The following RAB40C variants were observed in gnomAD, a reference collection of about 807,000 sequenced individuals.
RAB40C encodes RAB40C, member RAS oncogene family.
A neutral mutation model predicts 28.1 loss-of-function variants in RAB40C; 8 were observed. That is an observed-to-expected ratio of 0.28 (90% CI 0.17 to 0.51). The LOEUF (loss-of-function observed/expected upper bound fraction) is 0.51. Ranked by LOEUF, RAB40C falls within the 20% of genes least tolerant of loss-of-function variation. The probability of loss-of-function intolerance (pLI) is 0.97; values close to 1 mark genes in which losing one functional copy is unlikely to be tolerated. For synonymous variants in RAB40C, 201 were observed against 171.7 expected (o/e 1.17, Z -1.34); for missense variants, 288 against 405.9 (o/e 0.71, Z 2.50).
At chr16:608,327 C>T (rs192967607) in intron 1 of RAB40C, among the ~76,000 whole-genome samples, 6 of 152,192 alleles carry the variant, frequency 3.9e-5, no homozygotes, top group South Asian at 2.1e-4. Flanking sequence ...CATCTGGCCC[C>T]GCCCTCAACC....
intron 1 of RAB40C, among the ~76,000 whole-genome samples, chr16:609,323 C>T (rs1437387227): frequency 6.6e-6 from 1 of 152,056 alleles, no homozygotes; most frequent in Non-Finnish European, 1.5e-5. Flanking sequence ...GGACAGCAGA[C>T]ACCACTGGGG....
intron 3 of RAB40C, chr16:624,725 C>T (rs1027908944): frequency 1.0e-4 from 100 of 985,238 alleles, no homozygotes; most frequent in Non-Finnish European, 1.1e-4. Context: ...TGGGAGTGGA[C>T]GTTGGGGAGA....
chr16:624,355 C>T (rs2036782948), intron 3 of RAB40C: 8 of 985,470 alleles, frequency 8.1e-6, no homozygotes, highest in Non-Finnish European at 8.4e-6. Context: ...TTTGTTTATT[C>T]TGAATCTTAT....
At chr16:625,165 A>G (rs939702128) in intron 3 of RAB40C, 1 of 1,384,578 alleles carries the variant, frequency 7.2e-7, no homozygotes, top group Non-Finnish European at 9.5e-7. Context: ...CCACAGGCTG[A>G]TGGCTCCAGG....
intron 3 of RAB40C, chr16:624,219 T>G: frequency 1.0e-6 from 1 of 985,288 alleles, no homozygotes; most frequent in East Asian, 1.1e-4. Context: ...AGGTTGCCAC[T>G]AGGGAGAGTG....
rs761055535 is a variant in RAB40C, at chr16:590,572, T to C, written c.142+139T>C. 1.7e-3 allele frequency: 2,000 copies of C among 1,152,170 alleles called. 3 individuals carry two copies. The highest frequency in any genetic ancestry group is 2.2e-3 in the Non-Finnish European group (1,893 of 874,496). 71.4% of individuals were successfully genotyped at this position (1,152,170 alleles called of 1,614,324 possible). Reference sequence around the variant, plus strand: ...GCCTTTGCCTGGCTTCCAGACTCGGTAGCTCGGTGGCTGCGGGGTGCCCGT... The same window carrying C: ...GCCTTTGCCTGGCTTCCAGACTCGGCAGCTCGGTGGCTGCGGGGTGCCCGT... On this transcript the variant is annotated intron_variant, in intron 1 of 5. Coordinates refer to ENST00000248139, the MANE Select transcript of RAB40C (RefSeq NM_021168.5).
At chr16:620,168 A>G (rs4984676) in intron 3 of RAB40C, among the ~76,000 whole-genome samples, 70,561 of 152,102 alleles carry the variant, frequency 0.46, 16,815 homozygotes, top group East Asian at 0.66. Flanking sequence ...GCCAAGGCAG[A>G]CAGATCACGA....
chr16:595,318 C>T (rs2036090510), intron 1 of RAB40C, among the ~76,000 whole-genome samples: 1 of 152,236 alleles, frequency 6.6e-6, no homozygotes, highest in Admixed American at 6.5e-5. Flanking sequence ...GGGATTGAGG[C>T]TCAGGAGGCG....
At position 627,707 on chromosome 16, in the gene RAB40C, C is replaced by G. The variant is rs1057218984; in HGVS notation, c.*85C>G. Reference sequence around the variant, plus strand: ...CTGGACGCCAGGCCAGTGCCGCCTACGTGGAGACTGTCCACACAGCTGCCT... The same window carrying G: ...CTGGACGCCAGGCCAGTGCCGCCTAGGTGGAGACTGTCCACACAGCTGCCT... On this transcript the variant is annotated 3_prime_UTR_variant, in exon 6 of 6. Coordinates refer to ENST00000248139, the MANE Select transcript of RAB40C (RefSeq NM_021168.5). 2.1e-6 allele frequency: 3 copies of G among 1,429,254 alleles called. No individual in the cohort carries two copies. The highest frequency in any genetic ancestry group is 2.5e-5 in the Admixed American group (1 of 40,134). 88.5% of individuals were successfully genotyped at this position (1,429,254 alleles called of 1,614,324 possible).
intron 3 of RAB40C, 110 bp downstream of exon 3, chr16:618,370 A>C: frequency 9.1e-7 from 1 of 1,099,570 alleles, no homozygotes; most frequent in Non-Finnish European, 1.3e-6. Flanking sequence ...TTTCTTTATA[A>C]GGATATTCTC....
intron 1 of RAB40C, among the ~76,000 whole-genome samples, chr16:590,816 A>G (rs2035978834): frequency 1.3e-5 from 2 of 148,794 alleles, no homozygotes. Context: ...GTCTAGGATC[A>G]TCTGGGGTCC....
intron 1 of RAB40C, among the ~76,000 whole-genome samples, chr16:611,003 T>G (rs1036029192): frequency 7.2e-5 from 11 of 152,150 alleles, no homozygotes; most frequent in Admixed American, 7.2e-4. Flanking sequence ...GGGACGTTGT[T>G]TCATAGTCTT....
Position 628,381 on chromosome 16 carries a change from C to T in RAB40C, c.*759C>T, listed in dbSNP as rs989031634. On this transcript the variant is annotated 3_prime_UTR_variant, in exon 6 of 6. Transcript: ENST00000248139. The stretch of plus-strand genomic sequence containing the variant: ...TCAAAACTCAGATCATCTCGCCCAC[C>T]CTGGAGAGTGCAGAGCTATCTGTAG... 1.2e-4 allele frequency: 19 copies of T among 152,326 alleles called. No individual in the cohort carries two copies. Among genetic ancestry groups the T allele is most frequent in the African/African-American group, 4.6e-4 (19 of 41,448 alleles). 9.4% of individuals were successfully genotyped at this position (152,326 alleles called of 1,614,324 possible). A position where few individuals can be genotyped will look rare whatever the true frequency, so the allele number is the denominator to read the frequency against.
intron 1 of RAB40C, 65 bp from the exon 2 acceptor site, chr16:617,143 G>C: frequency 6.4e-7 from 1 of 1,564,792 alleles, no homozygotes; most frequent in Non-Finnish European, 8.8e-7. Context: ...AGTGGCCGAG[G>C]CTGGTCTCGC....
At chr16:608,587 C>T (rs144059335) in intron 1 of RAB40C, among the ~76,000 whole-genome samples, 3 of 152,238 alleles carry the variant, frequency 2.0e-5, no homozygotes, top group South Asian at 2.1e-4. Flanking sequence ...GAATGAAACT[C>T]GGCTGGCCAT....
intron 5 of RAB40C, among the ~76,000 whole-genome samples, chr16:626,510 G>A (rs1041338719): frequency 1.3e-5 from 2 of 152,182 alleles, no homozygotes; most frequent in African/African-American, 4.8e-5. Flanking sequence ...CTCTTCCTGG[G>A]TAGCCACATC....
intron 1 of RAB40C, among the ~76,000 whole-genome samples, chr16:591,663 C>G (rs1022840008): frequency 6.6e-6 from 1 of 151,532 alleles, no homozygotes; most frequent in Non-Finnish European, 1.5e-5. Flanking sequence ...ACAATTTCAG[C>G]TCACTGCAAC....
chr16:618,060 C>T (rs1479752772), intron 2 of RAB40C, 140 bp from the exon 3 acceptor site: 30 of 742,408 alleles, frequency 4.0e-5, no homozygotes, highest in Non-Finnish European at 6.0e-5. Context: ...CAGACAAAGC[C>T]GCTTAGCACA....
intron 1 of RAB40C, among the ~76,000 whole-genome samples, chr16:607,200 G>A (rs1038008562): frequency 2.0e-5 from 3 of 152,248 alleles, no homozygotes; most frequent in South Asian, 4.1e-4. Context: ...GTTGATGACT[G>A]TTGAAAACAA....
Sources: gnomAD v4.1 joint callset for allele counts (sites outside exome capture counted in the v4.1 genomes callset) on GRCh38, gnomAD v4.1.1 for gene constraint, MANE v1.5 for transcripts, NCBI Gene and HGNC (gene_info 2026-07-23, HGNC 2026-07-21) for gene names.